ATM: variants seen among roughly 807,000 people sequenced by gnomAD.
ATM encodes the protein serine-protein kinase ATM.
A neutral mutation model predicts 387.0 loss-of-function variants in ATM; 308 were observed. That is an observed-to-expected ratio of 0.80 (90% CI 0.73 to 0.87). The LOEUF is 0.87. Ranked by LOEUF, ATM falls within the 40% of genes least tolerant of loss-of-function variation. ATM has a pLI of 0.00. For missense variants in ATM, 3,312 were observed against 3,560.9 expected, an observed-to-expected ratio of 0.93 and a Z score of 1.78; for synonymous variants, 1,156 against 1,187.3, an observed-to-expected ratio of 0.97 and a Z score of 0.54.
chr11:108,308,684 G>A (rs1229955570), intron 38 of ATM: 1 of 286,522 alleles, frequency 3.5e-6, no homozygotes, highest in East Asian at 7.4e-5. Flanking sequence ...GGTAGGGGTG[G>A]TTGGTAAAGA....
chr11:108,270,097 A>AT (rs1292653850), intron 18 of ATM, among the ~76,000 whole-genome samples: 1 of 152,212 alleles, frequency 6.6e-6, no homozygotes, highest in South Asian at 2.1e-4. Context: ...ATCCCTTATT[A>AT]TTTCAGTATA....
rs865839142 is a variant in ATM at position 108,247,225 on chromosome 11, G to A, written c.1065+98G>A. ...TTTAAAACCTGTGTTCTCACAAAAA[G>A]CCTATAAAATGACTCTGTACATGCA... is the stretch of plus-strand genomic sequence containing the variant. On this transcript the variant is annotated intron_variant, in intron 8 of 62. Coordinates refer to ENST00000675843, the MANE Select transcript of ATM (RefSeq NM_000051.4). 9 of 1,219,024 alleles carry A rather than the reference G, an allele frequency of 7.4e-6. No homozygotes were observed. In the African/African-American group the frequency reaches 7.5e-5, roughly 10 times the overall value. 75.5% of individuals were successfully genotyped at this position (1,219,024 alleles called of 1,614,324 possible). A position where few individuals can be genotyped will look rare whatever the true frequency, so the allele number is the denominator to read the frequency against.
intron 7 of ATM, among the ~76,000 whole-genome samples, chr11:108,245,684 T>A (rs912857154): frequency 1.1e-4 from 17 of 152,140 alleles, no homozygotes; most frequent in African/African-American, 4.1e-4. Context: ...TGGAGTTTCC[T>A]CTTGCTCTGT....
At chr11:108,298,736 A>C (rs1211460179) in intron 33 of ATM, among the ~76,000 whole-genome samples, 1 of 152,216 alleles carries the variant, frequency 6.6e-6, no homozygotes, top group African/African-American at 2.4e-5. Flanking sequence ...CCAATTAGAA[A>C]GGAAGTAAAA....
chr11:108,315,041 A>C (rs2084500458), intron 40 of ATM, among the ~76,000 whole-genome samples: 1 of 152,238 alleles, frequency 6.6e-6, no homozygotes. Flanking sequence ...ACCTCCAGCC[A>C]CTGTGGTGTT....
intron 4 of ATM, 54 bp downstream of exon 4, chr11:108,229,377 A>ATTT: frequency 1.2e-5 from 13 of 1,092,216 alleles, no homozygotes; most frequent in African/African-American, 1.8e-5. Context: ...CTGTCGCGTG[A>ATTT]GTTTTTTTTT....
At position 108,272,782 on chromosome 11, in the gene ATM, G is replaced by T. The variant is rs1060501687; in HGVS notation, c.3214G>T (p.Glu1072Ter). Residue 1072 changes from glutamate to a stop codon, truncating the protein, a stop_gained, in exon 22 of 63, where the codon GAA becomes TAA. Transcript: ENST00000675843. LOFTEE classifies it high-confidence loss of function. ...AATGGGAAAAGACTTTCCTGTAAAT[G>T]AAGTATTTACACAATTTCTTGCTGA... ...NVMGKDFPVN[E>*]VFTQFLADNH... The T allele has an allele frequency of 5.0e-6, 8 of 1,613,722 alleles. No individual in the cohort carries two copies. The highest frequency in any genetic ancestry group is 5.9e-6 in the Non-Finnish European group (7 of 1,179,802).
At chr11:108,357,861 A>C (rs1470066249) in intron 61 of ATM, among the ~76,000 whole-genome samples, 3 of 151,338 alleles carry the variant, frequency 2.0e-5, no homozygotes. Context: ...AGAACAGAAA[A>C]ACTGGAAACT....
rs114283004 is a variant in ATM at position 108,260,410 on chromosome 11, G to A, written c.2466+1335G>A. Among the ~76,000 whole-genome samples, 308 of 152,290 alleles carry A rather than the reference G, an allele frequency of 2.0e-3. 2 individuals are homozygous for A. Among genetic ancestry groups the A allele is most frequent in the African/African-American group, 7.0e-3 (289 of 41,558 alleles). ...GGGTTACAAAGACTTCTGTGGTACA[G>A]ATTATTGTACTTTTGTCTATTTGTA... On this transcript the variant is annotated intron_variant, in intron 16 of 62. Coordinates refer to ENST00000675843, the MANE Select transcript of ATM (RefSeq NM_000051.4).
chr11:108,327,407 TA>T (rs2085781932), intron 47 of ATM: 3 of 460,112 alleles, frequency 6.5e-6, no homozygotes, highest in Non-Finnish European at 1.2e-5. Context: ...CATATATAAG[TA>T]CTCAATAAAT....
In ATM at chr11:108,253,948, T is replaced by C. The variant is rs1485409783; in HGVS notation, c.2033T>C (p.Ile678Thr). ...ECGIEKHQSSIGFSVHQNLKE... is the reference protein window; with the variant it reads ...ECGIEKHQSSTGFSVHQNLKE... ...GGTATAGAAAAGCACCAGTCCAGTA[T>C]TGGCTTCTCTGTCCACCAGAATCTC... The change falls in exon 13 of 63, where the codon ATT (isoleucine) becomes ACT (threonine). Residue 678 changes from isoleucine to threonine, a missense_variant. Transcript: ENST00000675843. The C allele has an allele frequency of 1.9e-6, 3 of 1,614,100 alleles. No homozygotes were observed. The highest frequency in any genetic ancestry group is 3.3e-5 in the Admixed American group (2 of 60,018).
At chr11:108,301,532 TA>T in intron 34 of ATM, 115 bp from the exon 35 acceptor site, 1 of 1,281,786 alleles carries the variant, frequency 7.8e-7, no homozygotes, top group Non-Finnish European at 1.1e-6. Flanking sequence ...TTTGTAAATG[TA>T]AAGTTTCCTA....
At chr11:108,293,216 A>T in intron 30 of ATM, 97 bp from the exon 31 acceptor site, 1 of 789,534 alleles carries the variant, frequency 1.3e-6, no homozygotes, top group Non-Finnish European at 2.0e-6. Flanking sequence ...AATCTGATCT[A>T]GGTTAATAGA....
chr11:108,276,119 C>T (rs2081934696), intron 22 of ATM, among the ~76,000 whole-genome samples: 1 of 152,126 alleles, frequency 6.6e-6, no homozygotes, highest in Non-Finnish European at 1.5e-5. Flanking sequence ...GATCTTCAAT[C>T]TCTGATATCC....
chr11:108,246,848 T>C (rs1281595467), intron 7 of ATM, 116 bp from the exon 8 acceptor site: 1 of 773,038 alleles, frequency 1.3e-6, no homozygotes, highest in African/African-American at 1.7e-5. Context: ...GAATGGAAGG[T>C]TGGACCAGGT....
chr11:108,288,062 C>T lies in ATM; in HGVS notation c.4109+347C>T, dbSNP rs572843701. On this transcript the variant is annotated intron_variant, in intron 27 of 62. Transcript: ENST00000675843. ...TTCTCTTTATCTAGGTCTTGCCTTT[C>T]TAGATCACCTTTTCTTTTTTTTTTT... Among the ~76,000 whole-genome samples the T allele has an allele frequency of 4.5e-3, 689 of 151,880 alleles. 3 individuals are homozygous for T. The highest frequency in any genetic ancestry group is 8.3e-3 in the Non-Finnish European group (562 of 67,928).
rs773944604 is a variant in ATM, at chr11:108,330,363, G to A, written c.7457G>A (p.Arg2486Gln). 2 of 1,614,130 alleles carry A rather than the reference G, an allele frequency of 1.2e-6. No homozygotes were observed. Among genetic ancestry groups the A allele is most frequent in the Non-Finnish European group, 1.7e-6 (2 of 1,180,004 alleles). ...GAAGAACATGATATGTGGGTATTCC[G>A]ACTTTGTTCCCTCTGGCTTGAAAAT... ...SGEEHDMWVF[R>Q]LCSLWLENSG... Residue 2486 changes from arginine to glutamine, a missense_variant, in exon 50 of 63, where the codon CGA becomes CAA. By Grantham distance (43) the Arg-to-Gln change is conservative (BLOSUM62 1). Coordinates refer to ENST00000675843, the MANE Select transcript of ATM (RefSeq NM_000051.4).
intron 29 of ATM, chr11:108,290,374 C>A (rs2082717840): frequency 1.3e-5 from 2 of 151,550 alleles, no homozygotes; most frequent in African/African-American, 4.8e-5. Flanking sequence ...ACCTATAATC[C>A]CAGCACTTTG....
In ATM at chr11:108,267,184, A is replaced by G. The variant is rs372230498; in HGVS notation, c.2480A>G (p.Lys827Arg). Residue 827 changes from lysine to arginine, a missense_variant, in exon 17 of 63, where the codon AAA becomes AGA. By Grantham distance (26) the Lys-to-Arg change is conservative (BLOSUM62 2). This residue lies in a region of ATM where 1,791 missense variants were observed against 1,804.5 expected (regional missense o/e 0.99). Coordinates refer to ENST00000675843, the MANE Select transcript of ATM (RefSeq NM_000051.4). ...TCTTCCTTGAAGGCATCCTTCATCA[A>G]AAAGCCATTTGACCGTGGAGAAGTA... ...DICKSLASFI[K>R]KPFDRGEVES... The G allele has an allele frequency of 6.2e-7, 1 of 1,613,976 alleles. No individual in the cohort carries two copies. Among genetic ancestry groups the G allele is most frequent in the Non-Finnish European group, 8.5e-7 (1 of 1,180,008 alleles).
Sources: gnomAD v4.1 joint callset for allele counts (sites outside exome capture counted in the v4.1 genomes callset) on GRCh38, gnomAD v4.1.1 for gene constraint, gnomAD v4.1.1 regional missense constraint, MANE v1.5 for transcripts, NCBI Gene and HGNC (gene_info 2026-07-23, HGNC 2026-07-21) for gene names.